MYO1D: variants seen among roughly 807,000 people sequenced by gnomAD.
MYO1D encodes the protein myosin ID.
A neutral mutation model predicts 122.0 loss-of-function variants in MYO1D; 83 were observed. The ratio of observed to expected loss-of-function variants is 0.68; its 90% CI spans 0.57 to 0.82. The LOEUF is 0.82. Among genes scored for constraint, MYO1D ranks in the 40% least tolerant of loss-of-function variants. MYO1D has a pLI of 0.00. For missense variants in MYO1D, 1,157 were observed against 1,269.5 expected, an observed-to-expected ratio of 0.91 and a Z score of 1.35; for synonymous variants, 464 against 446.9, an observed-to-expected ratio of 1.04 and a Z score of -0.48.
intron 1 of MYO1D, among the ~76,000 whole-genome samples, chr17:32,831,069 T>A (rs2090767529): frequency 6.6e-6 from 1 of 151,890 alleles, no homozygotes; most frequent in South Asian, 2.1e-4. Context: ...TAAAAAAAAA[T>A]ACTGACATGA....
intron 16 of MYO1D, among the ~76,000 whole-genome samples, chr17:32,675,988 T>C (rs1232845374): frequency 1.3e-5 from 2 of 152,218 alleles, no homozygotes; most frequent in Non-Finnish European, 2.9e-5. Flanking sequence ...CTAAGCATCC[T>C]TGCAGTACTC....
At chr17:32,845,435 T>C (rs1019489814) in intron 1 of MYO1D, among the ~76,000 whole-genome samples, 9 of 152,192 alleles carry the variant, frequency 5.9e-5, no homozygotes, top group South Asian at 2.1e-4. Context: ...TGCCATAATA[T>C]TGATAATGTC....
chr17:32,718,169 A>G (rs1186463285), intron 15 of MYO1D, among the ~76,000 whole-genome samples: 3 of 152,218 alleles, frequency 2.0e-5, no homozygotes, highest in Non-Finnish European at 4.4e-5. Context: ...ACTAAAATAT[A>G]CACATTTAAG....
At chr17:32,602,710 C>T (rs1349983239) in intron 21 of MYO1D, 3 of 152,098 alleles carry the variant, frequency 2.0e-5, no homozygotes, top group Non-Finnish European at 4.4e-5. Context: ...GACAAGAACA[C>T]ATCTCAGAAT....
At chr17:32,702,948 A>C (rs2150981725) in intron 16 of MYO1D, among the ~76,000 whole-genome samples, 1 of 152,364 alleles carries the variant, frequency 6.6e-6, no homozygotes. Flanking sequence ...CAAAGAGTTG[A>C]CAGTTCTTGC....
In MYO1D at chr17:32,527,512, G is replaced by A. The variant is rs539054306; in HGVS notation, c.2865-32597C>T. On this transcript the variant is annotated intron_variant, in intron 21 of 21. Coordinates refer to ENST00000318217, the MANE Select transcript of MYO1D (RefSeq NM_015194.3). ...CGCTTGTCAAAGCTACATAAAAGTA[G>A]CCAGGTTTGGTGGCTCACACCTATA... is the stretch of plus-strand genomic sequence containing the variant. Among the ~76,000 whole-genome samples, 4 of 152,346 alleles carry A rather than the reference G, an allele frequency of 2.6e-5. No homozygotes were observed. The South Asian group carries it at 8.3e-4, about 32-fold the overall frequency.
chr17:32,669,204 C>T (rs890053269), intron 16 of MYO1D, among the ~76,000 whole-genome samples: 3 of 152,162 alleles, frequency 2.0e-5, no homozygotes, highest in Admixed American at 6.5e-5. Flanking sequence ...CTCTGCCCTT[C>T]CCCTATCTCC....
chr17:32,815,813 T>C (rs886190952), intron 1 of MYO1D, among the ~76,000 whole-genome samples: 1 of 152,210 alleles, frequency 6.6e-6, no homozygotes. Flanking sequence ...GCCACACCTG[T>C]ATAGACCACA....
At chr17:32,767,175 C>T (rs1286884209) in intron 7 of MYO1D, among the ~76,000 whole-genome samples, 1 of 152,162 alleles carries the variant, frequency 6.6e-6, no homozygotes, top group Non-Finnish European at 1.5e-5. Flanking sequence ...AAACAAGTGG[C>T]CCAAAAGTGG....
chr17:32,628,872 T>C (rs1244850641), intron 20 of MYO1D, among the ~76,000 whole-genome samples: 1 of 152,212 alleles, frequency 6.6e-6, no homozygotes, highest in African/African-American at 2.4e-5. Flanking sequence ...GATTGAGCAA[T>C]AGCACTCCTA....
chr17:32,709,758 G>C (rs1197442905), intron 16 of MYO1D, among the ~76,000 whole-genome samples: 1 of 152,042 alleles, frequency 6.6e-6, no homozygotes, highest in East Asian at 1.9e-4. Flanking sequence ...AAAGCCAACA[G>C]AATCAACAAA....
At chr17:32,840,533 T>C (rs1027595314) in intron 1 of MYO1D, among the ~76,000 whole-genome samples, 2 of 152,232 alleles carry the variant, frequency 1.3e-5, no homozygotes, top group African/African-American at 2.4e-5. Flanking sequence ...TAGGAATCAC[T>C]GCTTGTAAAG....
At chr17:32,642,288 A>G (rs1365082687) in intron 19 of MYO1D, among the ~76,000 whole-genome samples, 2 of 152,246 alleles carry the variant, frequency 1.3e-5, no homozygotes, top group Admixed American at 6.5e-5. Flanking sequence ...CCATTGGTCT[A>G]TATCTCTGTT....
At chr17:32,525,736 C>T (rs1451820588) in intron 21 of MYO1D, among the ~76,000 whole-genome samples, 2 of 152,158 alleles carry the variant, frequency 1.3e-5, no homozygotes, top group Non-Finnish European at 2.9e-5. Context: ...TGGAGCCCAT[C>T]CTGGAGTCTC....
chr17:32,675,689 T>C (rs1418719661), intron 16 of MYO1D, among the ~76,000 whole-genome samples: 1 of 152,184 alleles, frequency 6.6e-6, no homozygotes, highest in Non-Finnish European at 1.5e-5. Context: ...TTTGGGTTTC[T>C]ATTTTATTAA....
chr17:32,661,489 T>A (rs1002098188), intron 16 of MYO1D, among the ~76,000 whole-genome samples: 4 of 151,960 alleles, frequency 2.6e-5, no homozygotes, highest in African/African-American at 4.8e-5. Flanking sequence ...CCTGTCTCCA[T>A]CAAAAATACA....
intron 16 of MYO1D, among the ~76,000 whole-genome samples, chr17:32,694,707 C>CAAAAAAAAA (rs58606294): frequency 7.2e-5 from 4 of 55,918 alleles, no homozygotes; most frequent in African/African-American, 2.2e-4. Flanking sequence ...GACTCCGTCT[C>CAAAAAAAAA]AAAAAAAAAA....
chr17:32,637,822 A>T (rs552988356), intron 20 of MYO1D, among the ~76,000 whole-genome samples: 2 of 152,276 alleles, frequency 1.3e-5, no homozygotes, highest in African/African-American at 4.8e-5. Flanking sequence ...CATAGTCTAA[A>T]TCATTCTAAA....
At chr17:32,574,453 C>A (rs2150897469) in intron 21 of MYO1D, among the ~76,000 whole-genome samples, 1 of 152,258 alleles carries the variant, frequency 6.6e-6, no homozygotes, top group Middle Eastern at 3.4e-3. Flanking sequence ...AGCGTCTCCA[C>A]AAATTCTTCT....
Sources: allele counts gnomAD v4.1 joint callset (sites outside exome capture counted in the v4.1 genomes callset), GRCh38; gene constraint gnomAD v4.1.1; transcripts MANE v1.5; gene names NCBI Gene and HGNC (gene_info 2026-07-23, HGNC 2026-07-21).